Variants in RESP18 observed in about 807,000 individuals in gnomAD.
The protein encoded by RESP18 is regulated endocrine-specific protein 18.
A neutral mutation model predicts 30.0 loss-of-function variants in RESP18; 30 were observed. The ratio of observed to expected loss-of-function variants is 1.00; its 90% CI spans 0.75 to 1.36. RESP18 has a LOEUF of 1.36. Among genes scored for constraint, RESP18 ranks in the 40% most tolerant of loss-of-function variants. The pLI, the probability that RESP18 is intolerant of heterozygous loss-of-function variation, is 0.00. For missense variants in RESP18, 320 were observed against 284.2 expected, an observed-to-expected ratio of 1.13 and a Z score of -0.91; for synonymous variants, 117 against 111.2, an observed-to-expected ratio of 1.05 and a Z score of -0.33.
chr2:219,327,505 A>T lies in RESP18; in HGVS notation c.*12T>A, dbSNP rs371196983. 38 of 1,551,172 alleles carry T rather than the reference A, an allele frequency of 2.4e-5. No homozygotes were observed. The highest frequency in any genetic ancestry group is 3.1e-5 in the Non-Finnish European group (35 of 1,146,634). The stretch of plus-strand genomic sequence containing the variant: ...GGGTGCTGGGGCAGGGAGGCTTCAC[A>T]TGAGGTCTCAATCAGCCACAGGGTT... On this transcript the variant is annotated 3_prime_UTR_variant, in exon 7 of 7. Coordinates refer to ENST00000333527, the MANE Select transcript of RESP18 (RefSeq NM_001007089.4).
rs559296332 is a variant in RESP18 at position 219,330,760 on chromosome 2, C to T, written c.337+11G>A. On this transcript the variant is annotated intron_variant, in intron 3 of 6. Coordinates refer to ENST00000333527, the MANE Select transcript of RESP18 (RefSeq NM_001007089.4). ...CCAGGCCCCAACCTCTGTTCTCCAGCTTTTACTTACCTTGGGGTATAATCT... is the reference window on the plus strand; with the variant it reads ...CCAGGCCCCAACCTCTGTTCTCCAGTTTTTACTTACCTTGGGGTATAATCT... 2.0e-6 allele frequency: 3 copies of T among 1,528,758 alleles called. No individual in the cohort carries two copies. The highest frequency in any genetic ancestry group is 2.9e-5 in the African/African-American group (2 of 70,002). 94.7% of individuals were successfully genotyped at this position (1,528,758 alleles called of 1,614,324 possible). A position where few individuals can be genotyped will look rare whatever the true frequency, so the allele number is the denominator to read the frequency against.
intron 2 of RESP18, among the ~76,000 whole-genome samples, 171 bp downstream of exon 1, chr2:219,332,353 A>G (rs1320267612): frequency 3.3e-5 from 5 of 152,098 alleles, no homozygotes; most frequent in Non-Finnish European, 7.4e-5. Flanking sequence ...TGCCCAGCCT[A>G]TCTGAAGCCT....
chr2:219,329,901 G>T (rs1952813095), intron 3 of RESP18, 137 bp from the exon 3 acceptor site: 4 of 835,952 alleles, frequency 4.8e-6, no homozygotes, highest in Non-Finnish European at 7.3e-6. Context: ...TATTAAAGTT[G>T]CTTAGCATAG....
At chr2:219,330,261 A>G (rs1265213459) in intron 3 of RESP18, among the ~76,000 whole-genome samples, 1 of 152,192 alleles carries the variant, frequency 6.6e-6, no homozygotes, top group East Asian at 1.9e-4. Context: ...AGCAGCAGTA[A>G]TATGAACTCA....
chr2:219,328,557 C>G (rs1472463548), intron 6 of RESP18, among the ~76,000 whole-genome samples: 4 of 152,192 alleles, frequency 2.6e-5, no homozygotes, highest in African/African-American at 9.7e-5. Context: ...AGCTGGAAAT[C>G]AGGAGACCTG....
chr2:219,328,760 G>A (rs1952798507), intron 6 of RESP18, among the ~76,000 whole-genome samples, 164 bp downstream of exon 5: 1 of 152,216 alleles, frequency 6.6e-6, no homozygotes, highest in African/African-American at 2.4e-5. Flanking sequence ...AGGCCATAGA[G>A]TAGAGCAAGG....
At position 219,332,732 on chromosome 2, in the gene RESP18, T is replaced by C. The variant is rs7580431; in HGVS notation, c.24A>G (p.Gly8=). Residue 8 remains glycine, a synonymous_variant, in exon 2 of 7, where the codon GGA becomes GGG. Transcript: ENST00000333527. ...CTGCAGCTTCCCACCAGCCCGCGAC[T>C]CCGAATCTGTTTAACCCTCCTCGGC... 4.6e-4 allele frequency: 714 copies of C among 1,544,392 alleles called. 6 individuals are homozygous for C. The African/African-American group carries it at 9.1e-3, about 20-fold the overall frequency.
At chr2:219,332,823 TC>T in intron 1 of RESP18, 79 bp from the exon 1 acceptor site, 1 of 1,074,404 alleles carries the variant, frequency 9.3e-7, no homozygotes, top group Non-Finnish European at 1.3e-6. Flanking sequence ...CCCTACCGCC[TC>T]CCCACCCTCA....
At position 219,332,548 on chromosome 2, in the gene RESP18, C is replaced by A; in HGVS notation, c.208G>T (p.Gly70Cys). The change falls in exon 2 of 7, where the codon GGC (glycine) becomes TGC (cysteine). Residue 70 changes from glycine (G) to cysteine (C), a missense_variant. By Grantham distance (159) the Gly-to-Cys change is radical. Transcript: ENST00000333527. ...CCGTGGGCACTAGTGTCGCTGCAGC[C>A]CCCCGGGCAGCTGTTCAGCAGCAGG... is the stretch of plus-strand genomic sequence containing the variant. 6.4e-7 allele frequency: 1 copy of A among 1,551,292 alleles called. No homozygotes were observed. Among genetic ancestry groups the A allele is most frequent in the Non-Finnish European group, 8.7e-7 (1 of 1,146,952 alleles).
rs1574948975 is a variant in RESP18 at position 219,331,067 on chromosome 2, C to T, written c.233-192G>A. On this transcript the variant is annotated intron_variant, in intron 2 of 6. Coordinates refer to ENST00000333527, the MANE Select transcript of RESP18 (RefSeq NM_001007089.4). ...ATCACCACTTGCCATATTCTTCAACCCCTGGGCCTCATTCACTCTTGGTAC... is the reference window on the plus strand; with the variant it reads ...ATCACCACTTGCCATATTCTTCAACTCCTGGGCCTCATTCACTCTTGGTAC... 5.5e-6 allele frequency: 3 copies of T among 541,564 alleles called. No homozygotes were observed. In the South Asian group the frequency reaches 6.8e-5, roughly 12 times the overall value. The allele number at this position is 541,564 out of a possible 1,614,324, so 33.5% of individuals were successfully genotyped here.
At chr2:219,330,950 C>T (rs1162854305) in intron 2 of RESP18, 75 bp from the exon 2 acceptor site, 1 of 847,578 alleles carries the variant, frequency 1.2e-6, no homozygotes, top group Non-Finnish European at 2.0e-6. Flanking sequence ...GAAGCAGCTT[C>T]CTTGTACTGT....
At chr2:219,329,835 C>T (rs973376852) in intron 3 of RESP18, 71 bp from the exon 3 acceptor site, 9 of 1,445,136 alleles carry the variant, frequency 6.2e-6, no homozygotes, top group Non-Finnish European at 8.5e-6. Context: ...ATCAGAGTAA[C>T]CTTTCTCTCA....
At chr2:219,329,888 A>T in intron 3 of RESP18, 124 bp from the exon 3 acceptor site, 3 of 1,028,098 alleles carry the variant, frequency 2.9e-6, no homozygotes, top group South Asian at 3.5e-5. Context: ...AAACAAGATG[A>T]TGTATTAAAG....
Position 219,332,752 on chromosome 2 carries a change from C to G in RESP18, c.18-14G>C, listed in dbSNP as rs559842516. ...GCGACTCCGAATCTGTTTAACCCTC[C>G]TCGGCAGTTCAGCCAATCGTGAGCG... On this transcript the variant is annotated splice_polypyrimidine_tract_variant and intron_variant, in intron 1 of 6. Transcript: ENST00000333527. 22 of 1,523,152 alleles carry G rather than the reference C, an allele frequency of 1.4e-5. No individual in the cohort carries two copies. The East Asian group carries it at 5.2e-4, about 36-fold the overall frequency. The allele number at this position is 1,523,152 out of a possible 1,614,324, so 94.4% of individuals were successfully genotyped here. A position where few individuals can be genotyped will look rare whatever the true frequency, so the allele number is the denominator to read the frequency against.
intron 2 of RESP18, 182 bp from the exon 2 acceptor site, chr2:219,331,057 A>G (rs897367355): frequency 1.1e-5 from 6 of 560,648 alleles, no homozygotes; most frequent in African/African-American, 9.5e-5. Flanking sequence ...CACTTGCCAT[A>G]TTCTTCAACC....
At chr2:219,331,990 C>G (rs1006521910) in intron 2 of RESP18, among the ~76,000 whole-genome samples, 4 of 152,222 alleles carry the variant, frequency 2.6e-5, no homozygotes, top group Non-Finnish European at 5.9e-5. Flanking sequence ...CGCAGGAGTT[C>G]TCGAGTGTGC....
At chr2:219,329,360 T>A in intron 4 of RESP18, 108 bp from the exon 4 acceptor site, 1 of 1,551,726 alleles carries the variant, frequency 6.4e-7, no homozygotes, top group Non-Finnish European at 8.7e-7. Flanking sequence ...CTTGAGAAGA[T>A]ACGTGAGTCT....
intron 4 of RESP18, 166 bp downstream of exon 3, chr2:219,329,471 A>G (rs1220732979): frequency 1.9e-6 from 3 of 1,550,178 alleles, no homozygotes; most frequent in African/African-American, 2.7e-5. Context: ...CCCTTTGCAG[A>G]TATCACTAAT....
chr2:219,332,840 T>A, intron 1 of RESP18, 96 bp from the exon 1 acceptor site: 1 of 966,586 alleles, frequency 1.0e-6, no homozygotes, highest in Non-Finnish European at 1.5e-6. Context: ...CCTCATCTCT[T>A]GGAATTCCTG....
Sources: allele counts gnomAD v4.1 joint callset (sites outside exome capture counted in the v4.1 genomes callset), GRCh38; gene constraint gnomAD v4.1.1; transcripts MANE v1.5; gene names NCBI Gene and HGNC (gene_info 2026-07-23, HGNC 2026-07-21).